Variants in CAMTA1 observed in about 807,000 individuals in gnomAD.
CAMTA1 encodes the protein calmodulin binding transcription activator 1, also known as calmodulin-binding transcription activator 1.
CAMTA1 carries 27 observed loss-of-function variants against 170.9 expected under a neutral mutation model. The observed-to-expected ratio is 0.16, with a 90% confidence interval of 0.12 to 0.22. The LOEUF is 0.22. Ranked by LOEUF, CAMTA1 falls within the 10% of genes least tolerant of loss-of-function variation. The pLI, the probability that CAMTA1 is intolerant of heterozygous loss-of-function variation, is 1.00. For missense variants in CAMTA1, 1,619 were observed against 2,217.2 expected, an observed-to-expected ratio of 0.73 and a Z score of 5.42; for synonymous variants, 833 against 891.5, an observed-to-expected ratio of 0.93 and a Z score of 1.17.
At chr1:7,747,882 A>G in intron 19 of CAMTA1, 101 bp downstream of exon 19, 1 of 638,282 alleles carries the variant, frequency 1.6e-6, no homozygotes. Flanking sequence ...ACCTCATTAC[A>G]GAGACTTAAT....
intron 3 of CAMTA1, among the ~76,000 whole-genome samples, chr1:7,049,765 T>C (rs1393762683): frequency 6.6e-6 from 1 of 152,200 alleles, no homozygotes; most frequent in Non-Finnish European, 1.5e-5. Context: ...CTGGCTCTCT[T>C]GGTTTTAAAG....
At chr1:7,441,949 T>C (rs2092551662) in intron 5 of CAMTA1, among the ~76,000 whole-genome samples, 1 of 152,172 alleles carries the variant, frequency 6.6e-6, no homozygotes, top group Admixed American at 6.5e-5. Flanking sequence ...GAGGCCTCGA[T>C]TCCGGCGGTT....
At chr1:7,744,383 C>T (rs994249606) in intron 16 of CAMTA1, among the ~76,000 whole-genome samples, 5 of 148,984 alleles carry the variant, frequency 3.4e-5, no homozygotes, top group East Asian at 2.0e-4. Context: ...CCACCCACCT[C>T]GGCCTCCCAA....
At chr1:7,594,233 G>GGAAC (rs2095379977) in intron 6 of CAMTA1, among the ~76,000 whole-genome samples, 1 of 151,020 alleles carries the variant, frequency 6.6e-6, no homozygotes, top group Non-Finnish European at 1.5e-5. Context: ...AAGGAAGGAA[G>GGAAC]GAAGGAAGAA....
intron 4 of CAMTA1, among the ~76,000 whole-genome samples, chr1:7,154,912 AG>A (rs1237462823): frequency 1.3e-5 from 2 of 152,162 alleles, no homozygotes; most frequent in African/African-American, 4.8e-5. Context: ...TCCCCACTCC[AG>A]CCGGGCTTGT....
At chr1:7,279,931 G>A (rs1244748833) in intron 5 of CAMTA1, among the ~76,000 whole-genome samples, 1 of 152,182 alleles carries the variant, frequency 6.6e-6, no homozygotes, top group African/African-American at 2.4e-5. Flanking sequence ...TCCTGGGGTT[G>A]GAAGGGAGAG....
At chr1:6,791,271 T>C (rs1213620240) in intron 1 of CAMTA1, among the ~76,000 whole-genome samples, 1 of 152,172 alleles carries the variant, frequency 6.6e-6, no homozygotes, top group Non-Finnish European at 1.5e-5. Context: ...TGTACTGTAT[T>C]TGTAGCCTTT....
chr1:7,043,679 T>G (rs917042036), intron 3 of CAMTA1, among the ~76,000 whole-genome samples: 2 of 152,200 alleles, frequency 1.3e-5, no homozygotes, highest in African/African-American at 4.8e-5. Context: ...AACGCCTGCC[T>G]TTATTAGCAG....
intron 5 of CAMTA1, among the ~76,000 whole-genome samples, chr1:7,346,539 C>T (rs192435386): frequency 3.5e-4 from 54 of 152,316 alleles, no homozygotes; most frequent in African/African-American, 1.2e-3. Context: ...GGCCTGCAAG[C>T]TCAGCCCATA....
chr1:7,474,445 G>A (rs920221528), intron 6 of CAMTA1, among the ~76,000 whole-genome samples: 1 of 152,216 alleles, frequency 6.6e-6, no homozygotes, highest in Non-Finnish European at 1.5e-5. Context: ...CATTGATGCC[G>A]TGCATAAAAT....
chr1:7,423,938 T>C (rs2091732005), intron 5 of CAMTA1, among the ~76,000 whole-genome samples: 1 of 152,154 alleles, frequency 6.6e-6, no homozygotes, highest in Non-Finnish European at 1.5e-5. Context: ...GGCGGCCAAC[T>C]CTTTGCCCAA....
Position 7,300,634 on chromosome 1 carries a change from G to A in CAMTA1, c.438+51008G>A, listed in dbSNP as rs1574521439. 6.6e-6 allele frequency among the ~76,000 whole-genome samples: 1 copy of A among 152,008 alleles called. No homozygotes were observed. Among genetic ancestry groups the A allele is most frequent in the East Asian group, 1.9e-4 (1 of 5,166 alleles). ...AGAGGTTGCAGTGAGCCAAGATGGT[G>A]CCACTGCACTCCAGCCTGGACAACA... On this transcript the variant is annotated intron_variant, in intron 5 of 22. Transcript: ENST00000303635. The surrounding 1 kb of genome is among the most constrained non-coding windows in gnomAD (Gnocchi z 4.1).
At chr1:6,797,847 A>C (rs888822546) in intron 1 of CAMTA1, among the ~76,000 whole-genome samples, 1 of 152,172 alleles carries the variant, frequency 6.6e-6, no homozygotes, top group Non-Finnish European at 1.5e-5. Flanking sequence ...AGATTTGCTA[A>C]GAGAAAGGAA....
intron 7 of CAMTA1, among the ~76,000 whole-genome samples, chr1:7,654,750 CA>C (rs2095870468): frequency 1.4e-5 from 1 of 72,176 alleles, no homozygotes; most frequent in Non-Finnish European, 3.0e-5. Context: ...TATACACACA[CA>C]TATACAAACA....
chr1:7,498,783 ATG>A (rs1213421255), intron 6 of CAMTA1, among the ~76,000 whole-genome samples: 1 of 146,368 alleles, frequency 6.8e-6, no homozygotes, highest in Non-Finnish European at 1.5e-5. Flanking sequence ...GTGCATGTGT[ATG>A]TATGTGTGTG....
intron 6 of CAMTA1, among the ~76,000 whole-genome samples, chr1:7,616,526 A>G (rs981091445): frequency 3.3e-5 from 5 of 152,266 alleles, no homozygotes; most frequent in African/African-American, 9.6e-5. Context: ...AACAGCCTCC[A>G]GGAGCGCTGT....
intron 4 of CAMTA1, among the ~76,000 whole-genome samples, chr1:7,214,919 A>T (rs1053636832): frequency 6.7e-6 from 1 of 150,144 alleles, no homozygotes; most frequent in South Asian, 2.1e-4. Flanking sequence ...TGAAAAGGCT[A>T]TCTTTCAACA....
At chr1:7,530,733 C>T (rs754205947) in intron 6 of CAMTA1, among the ~76,000 whole-genome samples, 1 of 151,444 alleles carries the variant, frequency 6.6e-6, no homozygotes, top group Non-Finnish European at 1.5e-5. Flanking sequence ...CCCTCCCAAA[C>T]GTCAGCTCCA....
intron 5 of CAMTA1, among the ~76,000 whole-genome samples, chr1:7,265,563 C>G (rs561683488): frequency 6.6e-6 from 1 of 152,190 alleles, no homozygotes; most frequent in Admixed American, 6.5e-5. Flanking sequence ...ATCTGCCCAC[C>G]TTGGCCTCCT....
Sources: gnomAD v4.1 joint callset for allele counts (sites outside exome capture counted in the v4.1 genomes callset) on GRCh38, gnomAD v4.1.1 for gene constraint, Gnocchi (gnomAD v3.1) non-coding constraint, MANE v1.5 for transcripts, NCBI Gene and HGNC (gene_info 2026-07-23, HGNC 2026-07-21) for gene names.